Variants in CPB1 observed in about 807,000 individuals in gnomAD.
CPB1 encodes the protein carboxypeptidase B.
Under a neutral mutation model 51.4 loss-of-function variants are expected in CPB1, and 53 were observed. The ratio of observed to expected loss-of-function variants is 1.03; its 90% confidence interval spans 0.83 to 1.30. CPB1 has a LOEUF of 1.30. CPB1 is among the 50% of genes most tolerant of loss of function. CPB1 has a pLI of 0.00. For missense variants in CPB1, 494 were observed against 516.2 expected (o/e 0.96, Z 0.42); for synonymous variants, 189 against 186.9 (o/e 1.01, Z -0.09).
At chr3:148,831,778 A>G (rs1712745761) in intron 2 of CPB1, among the ~76,000 whole-genome samples, 1 of 152,212 alleles carries the variant, frequency 6.6e-6, no homozygotes, top group African/African-American at 2.4e-5. Flanking sequence ...CCCTACATCT[A>G]CATCCTATAT....
At chr3:148,830,708 C>T (rs529771744) in intron 2 of CPB1, among the ~76,000 whole-genome samples, 1 of 152,044 alleles carries the variant, frequency 6.6e-6, no homozygotes, top group Non-Finnish European at 1.5e-5. Context: ...AAAATCTTTA[C>T]TTATCCTTGT....
intron 9 of CPB1, among the ~76,000 whole-genome samples, chr3:148,853,081 C>A (rs533688491): frequency 6.6e-6 from 1 of 152,314 alleles, no homozygotes; most frequent in Admixed American, 6.5e-5. Context: ...AAGGAAACTG[C>A]AGTTAAGGAT....
At chr3:148,831,251 G>T (rs142736283) in intron 2 of CPB1, among the ~76,000 whole-genome samples, 1 of 152,162 alleles carries the variant, frequency 6.6e-6, no homozygotes, top group East Asian at 1.9e-4. Context: ...TCAAATTTAA[G>T]GTGCATTTTT....
At chr3:148,846,779 A>ATGTGTGTGTG (rs1326750214) in intron 9 of CPB1, among the ~76,000 whole-genome samples, 6 of 62,196 alleles carry the variant, frequency 9.6e-5, no homozygotes, top group South Asian at 5.3e-4. Context: ...ATACACATAT[A>ATGTGTGTGTG]TATGTGTGTG....
chr3:148,851,334 C>CAAAAAAAAAAAAAAAAAAAAAA (rs59423779), intron 9 of CPB1: 1 of 82,082 alleles, frequency 1.2e-5, no homozygotes, highest in African/African-American at 4.7e-5. Flanking sequence ...GACCCTGTCT[C>CAAAAAAAAAAAAAAAAAAAAAA]AAAAAAAAAA....
intron 9 of CPB1, among the ~76,000 whole-genome samples, chr3:148,852,862 T>C (rs1480166789): frequency 6.6e-6 from 1 of 152,206 alleles, no homozygotes; most frequent in Non-Finnish European, 1.5e-5. Flanking sequence ...CTGGTTCTCC[T>C]AAGCCAAACT....
chr3:148,857,509 A>G lies in CPB1; in HGVS notation c.1034A>G (p.Lys345Arg), dbSNP rs2108022873. The G allele has an allele frequency of 1.2e-6, 2 of 1,614,034 alleles. No homozygotes were observed. The highest frequency in any genetic ancestry group is 1.7e-6 in the Non-Finnish European group (2 of 1,179,936). The change falls in exon 10 of 11, where the codon AAG (lysine) becomes AGG (arginine). Residue 345 changes from lysine (K) to arginine (R), a missense_variant. By Grantham distance (26) the Lys-to-Arg change is conservative. Transcript: ENST00000282957. ...GAACTTGCCTCACTGCACGGCACCAAGTACACATATGGCCCGGGAGCTACA... is the reference window on the plus strand; with the variant it reads ...GAACTTGCCTCACTGCACGGCACCAGGTACACATATGGCCCGGGAGCTACA... Reference protein sequence around the residue: ...VKELASLHGTKYTYGPGATTI... With the variant: ...VKELASLHGTRYTYGPGATTI...
At chr3:148,837,846 CT>C (rs1472754753) in intron 3 of CPB1, among the ~76,000 whole-genome samples, 1 of 151,954 alleles carries the variant, frequency 6.6e-6, no homozygotes, top group Non-Finnish European at 1.5e-5. Flanking sequence ...CTTCTTTGTC[CT>C]GGATATTGAT....
chr3:148,842,408 T>C (rs906238139), intron 6 of CPB1, among the ~76,000 whole-genome samples: 2 of 152,204 alleles, frequency 1.3e-5, no homozygotes, highest in African/African-American at 4.8e-5. Flanking sequence ...AAAGAGTGCA[T>C]AGTAGTCCTT....
At chr3:148,847,035 C>A (rs1387152343) in intron 9 of CPB1, among the ~76,000 whole-genome samples, 1 of 148,078 alleles carries the variant, frequency 6.8e-6, no homozygotes, top group East Asian at 2.0e-4. Context: ...TTAAGTTGTG[C>A]CATATCAGAA....
intron 5 of CPB1, 139 bp downstream of exon 5, chr3:148,841,114 A>T (rs1467336135): frequency 1.6e-6 from 1 of 611,156 alleles, no homozygotes; most frequent in Non-Finnish European, 2.8e-6. Flanking sequence ...CGAGGGAACC[A>T]GATTCCCCAG....
At chr3:148,854,749 C>A (rs750268231) in intron 9 of CPB1, 1 of 152,232 alleles carries the variant, frequency 6.6e-6, no homozygotes, top group African/African-American at 2.4e-5. Context: ...CCAACAATTC[C>A]TTCCTTCAAG....
At chr3:148,835,419 A>G (rs1480838287) in intron 3 of CPB1, among the ~76,000 whole-genome samples, 2 of 152,200 alleles carry the variant, frequency 1.3e-5, no homozygotes, top group African/African-American at 4.8e-5. Flanking sequence ...AGAAGAATAG[A>G]GCAAGTCTAG....
intron 9 of CPB1, among the ~76,000 whole-genome samples, chr3:148,849,462 T>C (rs987382560): frequency 6.6e-6 from 1 of 152,152 alleles, no homozygotes; most frequent in Admixed American, 6.5e-5. Context: ...TCAGAGAAAT[T>C]AAAACTGGGA....
At chr3:148,837,346 A>C (rs1265416277) in intron 3 of CPB1, among the ~76,000 whole-genome samples, 1 of 152,184 alleles carries the variant, frequency 6.6e-6, no homozygotes, top group Non-Finnish European at 1.5e-5. Flanking sequence ...CGCAAAGTCC[A>C]GGTACTGATC....
chr3:148,846,891 G>A (rs1713269313), intron 9 of CPB1, among the ~76,000 whole-genome samples: 1 of 141,148 alleles, frequency 7.1e-6, no homozygotes. Context: ...TGGTCTGTAT[G>A]TGTTCCCAAT....
chr3:148,856,755 A>T (rs1326597749), intron 9 of CPB1: 1 of 152,180 alleles, frequency 6.6e-6, no homozygotes, highest in Non-Finnish European at 1.5e-5. Flanking sequence ...TTCTTATGAG[A>T]AGGTGATGAT....
At chr3:148,828,916 A>G (rs1221158814) in intron 2 of CPB1, among the ~76,000 whole-genome samples, 1 of 152,226 alleles carries the variant, frequency 6.6e-6, no homozygotes, top group African/African-American at 2.4e-5. Flanking sequence ...TGAAAGAAAT[A>G]TAAACTCATC....
At position 148,859,887 on chromosome 3, in the gene CPB1, G is replaced by A. The variant is rs144356818; in HGVS notation, c.1139G>A (p.Arg380Gln). The change falls in exon 11 of 11, where the codon CGA becomes CAA. Residue 380 changes from arginine to glutamine, a missense_variant. By Grantham distance (43) the Arg-to-Gln change is conservative. Coordinates refer to ENST00000282957, the MANE Select transcript of CPB1 (RefSeq NM_001871.3). ...AGATATTCCTTCACCTTTGAACTTCGAGATACAGGCAGATATGGCTTTCTC... is the reference window on the plus strand; with the variant it reads ...AGATATTCCTTCACCTTTGAACTTCAAGATACAGGCAGATATGGCTTTCTC... Reference protein sequence around the residue: ...GIRYSFTFELRDTGRYGFLLP... With the variant: ...GIRYSFTFELQDTGRYGFLLP... The A allele has an allele frequency of 4.8e-5, 78 of 1,614,020 alleles. No individual in the cohort carries two copies. The Middle Eastern group carries it at 6.6e-4, about 14-fold the overall frequency.
Sources: allele counts gnomAD v4.1 joint callset (sites outside exome capture counted in the v4.1 genomes callset), GRCh38; gene constraint gnomAD v4.1.1; transcripts MANE v1.5; gene names NCBI Gene and HGNC (gene_info 2026-07-23, HGNC 2026-07-21).